IMPG1: variants seen among roughly 807,000 people sequenced by gnomAD.
IMPG1 encodes the protein interphotoreceptor matrix proteoglycan 1, also known as interphotoreceptor matrix proteoglycan of 150 kDa.
In IMPG1, 85 loss-of-function variants were observed where a neutral mutation model predicts 92.0. The ratio of observed to expected loss-of-function variants is 0.92; its 90% CI spans 0.78 to 1.11. IMPG1 has a LOEUF of 1.11. Ranked by LOEUF, IMPG1 falls within the 50% of genes least tolerant of loss-of-function variation. The pLI, the probability that IMPG1 is intolerant of heterozygous loss-of-function variation, is 0.00. For synonymous variants in IMPG1, 367 were observed against 334.1 expected, an observed-to-expected ratio of 1.10 and a Z score of -1.08; for missense variants, 1,022 against 956.0, an observed-to-expected ratio of 1.07 and a Z score of -0.91.
At chr6:76,037,866 A>T (rs141985312) in intron 2 of IMPG1, among the ~76,000 whole-genome samples, 3 of 152,360 alleles carry the variant, frequency 2.0e-5, no homozygotes, top group African/African-American at 4.8e-5. Flanking sequence ...GGAAGATATT[A>T]TGTGACAATC....
intron 1 of IMPG1, among the ~76,000 whole-genome samples, chr6:76,047,635 C>T (rs912121870): frequency 6.6e-6 from 1 of 152,102 alleles, no homozygotes; most frequent in Non-Finnish European, 1.5e-5. Flanking sequence ...TTGGTGCTTG[C>T]CTAGTACAAT....
At chr6:76,017,678 G>C (rs949735269) in intron 7 of IMPG1, among the ~76,000 whole-genome samples, 1 of 152,090 alleles carries the variant, frequency 6.6e-6, no homozygotes, top group Non-Finnish European at 1.5e-5. Flanking sequence ...TCTAGGCATA[G>C]AGCAGCTGCA....
Position 75,974,509 on chromosome 6 carries a change from G to A in IMPG1, c.1292-23415C>T, listed in dbSNP as rs533486369. 4.8e-5 allele frequency among the ~76,000 whole-genome samples: 6 copies of A among 126,164 alleles called. 1 individual carries two copies. The highest frequency in any genetic ancestry group is 2.5e-4 in the South Asian group (1 of 3,990). The allele number at this position is 126,164 out of a possible 152,430, so 82.8% of individuals were successfully genotyped here. On this transcript the variant is annotated intron_variant, in intron 12 of 16. Transcript: ENST00000369950. The stretch of plus-strand genomic sequence containing the variant: ...TTTTTTTTTTTTGAGATGAAGTTTC[G>A]CCCAGGCTGGAATGCAATGGCGTGA...
chr6:76,021,017 C>T (rs1302728075), intron 6 of IMPG1, among the ~76,000 whole-genome samples: 1 of 152,156 alleles, frequency 6.6e-6, no homozygotes, highest in Admixed American at 6.6e-5. Context: ...TTCTTTCAGG[C>T]CCTCCAAATC....
intron 4 of IMPG1, among the ~76,000 whole-genome samples, chr6:76,030,335 T>C (rs1362900685): frequency 6.6e-6 from 1 of 151,824 alleles, no homozygotes; most frequent in Non-Finnish European, 1.5e-5. Context: ...CTCTCTCTCA[T>C]GTATCTTGGG....
intron 8 of IMPG1, among the ~76,000 whole-genome samples, chr6:76,007,733 A>G (rs1783121982): frequency 6.6e-6 from 1 of 152,256 alleles, no homozygotes; most frequent in Non-Finnish European, 1.5e-5. Context: ...GTTTCTGATT[A>G]GGATTTGAGC....
rs115553219 is a variant in IMPG1 at position 76,011,057 on chromosome 6, G to A, written c.866+109C>T. The A allele has an allele frequency of 1.8e-3, 1,158 of 626,126 alleles. 14 individuals are homozygous for A. The African/African-American group carries it at 0.02, about 11-fold the overall frequency. 38.8% of individuals were successfully genotyped at this position (626,126 alleles called of 1,614,324 possible). ...TACTCCGTTTCCAGGATTTGGCAGA[G>A]CTAAACAACTGGGGAAAAAGGACCT... On this transcript the variant is annotated intron_variant, in intron 8 of 16. Transcript: ENST00000369950.
chr6:76,064,967 T>C (rs1220027648), intron 1 of IMPG1, among the ~76,000 whole-genome samples: 1 of 152,034 alleles, frequency 6.6e-6, no homozygotes, highest in African/African-American at 2.4e-5. Context: ...ACTAAGGAAC[T>C]CATATAGAGT....
At chr6:75,925,625 G>A (rs1781536723) in intron 15 of IMPG1, among the ~76,000 whole-genome samples, 1 of 151,982 alleles carries the variant, frequency 6.6e-6, no homozygotes, top group South Asian at 2.1e-4. Context: ...CAAGGAGTTC[G>A]AGACCAGCCT....
intron 12 of IMPG1, among the ~76,000 whole-genome samples, chr6:75,964,128 C>T (rs575261632): frequency 3.3e-5 from 5 of 152,230 alleles, no homozygotes. Context: ...TATGCATGCT[C>T]CGTAAGGACC....
intron 12 of IMPG1, among the ~76,000 whole-genome samples, chr6:75,952,694 T>A (rs1030449094): frequency 6.6e-6 from 1 of 152,134 alleles, no homozygotes; most frequent in Non-Finnish European, 1.5e-5. Flanking sequence ...GTGATGATAT[T>A]TGGACATGGG....
intron 5 of IMPG1, 195 bp downstream of exon 5, chr6:76,024,999 T>A (rs1436596064): frequency 3.2e-6 from 2 of 624,954 alleles, no homozygotes; most frequent in Middle Eastern, 2.5e-4. Flanking sequence ...GGTTTGGTTT[T>A]ACCTTTATTC....
chr6:75,932,198 G>C lies in IMPG1; in HGVS notation c.2045-1047C>G, dbSNP rs541880488. 4.7e-4 allele frequency among the ~76,000 whole-genome samples: 72 copies of C among 152,322 alleles called. 1 individual carries two copies. Among genetic ancestry groups the C allele is most frequent in the Middle Eastern group, 3.4e-3 (1 of 294 alleles). On this transcript the variant is annotated intron_variant, in intron 14 of 16. Coordinates refer to ENST00000369950, the MANE Select transcript of IMPG1 (RefSeq NM_001563.4). ...TATACAGTCCTCTGACTGGTCTCACGGCCATCCCTTCGTGGAATGTGTGAG... is the reference window on the plus strand; with the variant it reads ...TATACAGTCCTCTGACTGGTCTCACCGCCATCCCTTCGTGGAATGTGTGAG...
chr6:76,057,338 A>G (rs916415735), intron 1 of IMPG1, among the ~76,000 whole-genome samples: 19 of 152,150 alleles, frequency 1.2e-4, no homozygotes, highest in African/African-American at 4.6e-4. Context: ...AGACCTGCAC[A>G]ACCCATATGC....
chr6:76,039,615 CAA>C (rs1783800486), intron 2 of IMPG1, among the ~76,000 whole-genome samples: 1 of 152,298 alleles, frequency 6.6e-6, no homozygotes, highest in African/African-American at 2.4e-5. Context: ...CTCGGTCTCA[CAA>C]AGTGCTGGGA....
chr6:75,942,542 C>T (rs999675304), intron 14 of IMPG1, among the ~76,000 whole-genome samples: 4 of 152,148 alleles, frequency 2.6e-5, no homozygotes, highest in African/African-American at 9.7e-5. Flanking sequence ...GAATTTGAGT[C>T]CTTCTTTTCT....
chr6:75,989,036 G>T (rs999869049), intron 12 of IMPG1, among the ~76,000 whole-genome samples: 11 of 151,914 alleles, frequency 7.2e-5, no homozygotes, highest in African/African-American at 2.2e-4. Context: ...TCCTTCCTCT[G>T]GTCTTCTTCC....
At chr6:75,941,606 A>T (rs939239671) in intron 14 of IMPG1, among the ~76,000 whole-genome samples, 1 of 152,262 alleles carries the variant, frequency 6.6e-6, no homozygotes, top group East Asian at 1.9e-4. Flanking sequence ...CATGGAAAGC[A>T]ATAACTTTGT....
chr6:75,955,453 A>G (rs1305530325), intron 12 of IMPG1, among the ~76,000 whole-genome samples: 1 of 152,204 alleles, frequency 6.6e-6, no homozygotes, highest in Non-Finnish European at 1.5e-5. Context: ...TGATTTTTGC[A>G]CATTGATTTT....
Sources: gnomAD v4.1 joint callset for allele counts (sites outside exome capture counted in the v4.1 genomes callset) on GRCh38, gnomAD v4.1.1 for gene constraint, MANE v1.5 for transcripts, NCBI Gene and HGNC (gene_info 2026-07-23, HGNC 2026-07-21) for gene names.